PCDH9: variants seen among roughly 807,000 people sequenced by gnomAD.
The protein encoded by PCDH9 is protocadherin-9.
A neutral mutation model predicts 70.6 loss-of-function variants in PCDH9; 24 were observed. The observed-to-expected ratio is 0.34, with a 90% CI of 0.25 to 0.48. The LOEUF (loss-of-function observed/expected upper bound fraction) is 0.48. PCDH9 is among the 20% of genes least tolerant of loss of function. The pLI is 0.99. For missense variants in PCDH9, 1,281 were observed against 1,503.6 expected (o/e 0.85, Z 2.45); for synonymous variants, 562 against 558.5 (o/e 1.01, Z -0.09).
At chr13:66,306,572 A>T (rs1480160285) in intron 4 of PCDH9, among the ~76,000 whole-genome samples, 1 of 151,396 alleles carries the variant, frequency 6.6e-6, no homozygotes, top group South Asian at 2.1e-4. Flanking sequence ...CAGATACTAG[A>T]TGTGAAAAAA....
At chr13:66,779,873 A>ATGTGTGTGTGTGTG (rs35090227) in intron 3 of PCDH9, among the ~76,000 whole-genome samples, 19 of 115,844 alleles carry the variant, frequency 1.6e-4, no homozygotes, top group Middle Eastern at 4.6e-3. Flanking sequence ...ATATACATAT[A>ATGTGTGTGTGTGTG]TGTGTGTGTG....
At chr13:66,852,781 A>G (rs182850321) in intron 3 of PCDH9, among the ~76,000 whole-genome samples, 1 of 150,202 alleles carries the variant, frequency 6.7e-6, no homozygotes, top group Admixed American at 6.6e-5. Context: ...TAGACGGTGT[A>G]CCATGTAATC....
At chr13:66,806,882 G>A (rs974128504) in intron 3 of PCDH9, among the ~76,000 whole-genome samples, 2 of 152,064 alleles carry the variant, frequency 1.3e-5, no homozygotes, top group South Asian at 4.1e-4. Context: ...TTTTCAAACG[G>A]AAAACAGGGC....
chr13:66,457,848 G>A (rs960191744), intron 4 of PCDH9, among the ~76,000 whole-genome samples: 1 of 151,684 alleles, frequency 6.6e-6, no homozygotes, highest in Non-Finnish European at 1.5e-5. Flanking sequence ...GATTTTTTTG[G>A]GGGGGATAGG....
In PCDH9 at chr13:67,227,936, G is replaced by A; in HGVS notation, c.505C>T (p.Pro169Ser). The change falls in exon 2 of 5, where the codon CCT becomes TCT. Residue 169 changes from proline (P) to serine (S), a missense_variant. Physicochemically the swap from Pro to Ser is moderately conservative, Grantham distance 74. Transcript: ENST00000377865. The surrounding 1 kb of genome is among the most constrained non-coding windows in gnomAD (Gnocchi z 4.6). The part of the protein sequence containing the change: ...SRFPIPSATD[P>S]DTGFNGVQHY... ...TGTACACCATTGAAGCCTGTGTCAG[G>A]ATCTGTTGCTGATGGAATTGGAAAG... 6.2e-7 allele frequency: 1 copy of A among 1,614,124 alleles called. No homozygotes were observed. The highest frequency in any genetic ancestry group is 8.5e-7 in the Non-Finnish European group (1 of 1,180,046).
At chr13:67,026,278 T>C (rs983192850) in intron 2 of PCDH9, among the ~76,000 whole-genome samples, 1 of 152,208 alleles carries the variant, frequency 6.6e-6, no homozygotes, top group Non-Finnish European at 1.5e-5. Context: ...TGCATCAATG[T>C]TCATCAAGGA....
At chr13:66,764,655 A>G (rs1403210324) in intron 3 of PCDH9, among the ~76,000 whole-genome samples, 1 of 152,070 alleles carries the variant, frequency 6.6e-6, no homozygotes, top group Non-Finnish European at 1.5e-5. Flanking sequence ...AAGCAGATCT[A>G]TGGAATAGAG....
At chr13:66,738,849 C>A (rs1463774202) in intron 3 of PCDH9, among the ~76,000 whole-genome samples, 7 of 151,112 alleles carry the variant, frequency 4.6e-5, no homozygotes, top group Admixed American at 2.6e-4. Context: ...TGTGAAAAGA[C>A]CAAATCTACG....
intron 4 of PCDH9, among the ~76,000 whole-genome samples, chr13:66,410,917 T>C (rs1957358925): frequency 6.6e-6 from 1 of 152,206 alleles, no homozygotes; most frequent in African/African-American, 2.4e-5. Context: ...GTTTTGAAAT[T>C]GATATTTTCC....
chr13:66,740,329 G>A (rs1231110610), intron 3 of PCDH9, among the ~76,000 whole-genome samples: 12 of 92,528 alleles, frequency 1.3e-4, no homozygotes, highest in Admixed American at 6.3e-4. Context: ...TCTCTGGGAC[G>A]CATTCAAAGC....
At chr13:66,996,176 A>G (rs899750814) in intron 2 of PCDH9, 4 of 152,204 alleles carry the variant, frequency 2.6e-5, no homozygotes, top group African/African-American at 7.2e-5. Context: ...CATTAAGAGA[A>G]TATCTTACCA....
chr13:66,729,747 CT>C (rs1014337967), intron 3 of PCDH9, among the ~76,000 whole-genome samples: 9 of 152,102 alleles, frequency 5.9e-5, no homozygotes, highest in African/African-American at 2.2e-4. Context: ...ATTCCTACTG[CT>C]TTTTCAAGGT....
intron 4 of PCDH9, among the ~76,000 whole-genome samples, chr13:66,426,819 T>TATAGA (rs1957678963): frequency 2.6e-5 from 4 of 151,536 alleles, no homozygotes; most frequent in Non-Finnish European, 3.0e-5. Flanking sequence ...TATTTTTTCT[T>TATAGA]TTGTGTAAAA....
In PCDH9 at chr13:67,225,993, C is replaced by T. The variant is rs2089857267; in HGVS notation, c.2448G>A (p.Met816Ile). The T allele has an allele frequency of 6.2e-7, 1 of 1,614,094 alleles. No individual in the cohort carries two copies. Among genetic ancestry groups the T allele is most frequent in the Non-Finnish European group, 8.5e-7 (1 of 1,180,000 alleles). The change falls in exon 2 of 5, where the codon ATG becomes ATA. Residue 816 changes from methionine to isoleucine, a missense_variant. Coordinates refer to ENST00000377865, the MANE Select transcript of PCDH9 (RefSeq NM_203487.3). ...PYQNEDYLTI[M>I]IAIIAGAMVV... ...CCATGGCACCGGCGATGATGGCAAT[C>T]ATGATGGTTAGATAGTCCTCATTTT...
chr13:66,477,544 T>C lies in PCDH9; in HGVS notation c.3340+153666A>G, dbSNP rs562993730. ...TTTGAATTATTTCAGACTTACTGGC[T>C]GTATGGTATTAGGCAAATTGCTTTG... On this transcript the variant is annotated intron_variant, in intron 4 of 4. Coordinates refer to ENST00000377865, the MANE Select transcript of PCDH9 (RefSeq NM_203487.3). Among the ~76,000 whole-genome samples the C allele has an allele frequency of 1.2e-3, 189 of 152,308 alleles. 1 individual carries two copies. Among genetic ancestry groups the C allele is most frequent in the Non-Finnish European group, 2.1e-3 (143 of 68,018 alleles).
chr13:66,607,500 T>C (rs1421728297), intron 4 of PCDH9, among the ~76,000 whole-genome samples: 1 of 152,038 alleles, frequency 6.6e-6, no homozygotes, highest in Non-Finnish European at 1.5e-5. Context: ...CTACTCATAG[T>C]AAAGGCAAAA....
At chr13:67,065,609 A>AT (rs2085632023) in intron 2 of PCDH9, among the ~76,000 whole-genome samples, 2 of 152,156 alleles carry the variant, frequency 1.3e-5, no homozygotes, top group Non-Finnish European at 2.9e-5. Context: ...GTTAATTTTA[A>AT]TTTTGAGCTT....
chr13:66,795,036 G>A (rs1035799028), intron 3 of PCDH9, among the ~76,000 whole-genome samples: 4 of 151,280 alleles, frequency 2.6e-5, no homozygotes, highest in African/African-American at 7.3e-5. Context: ...AGGAGATTGT[G>A]TTAAATGCCA....
At chr13:67,091,639 T>A (rs1414063912) in intron 2 of PCDH9, among the ~76,000 whole-genome samples, 9 of 152,284 alleles carry the variant, frequency 5.9e-5, no homozygotes, top group African/African-American at 1.9e-4. Context: ...CTGATCCTGC[T>A]TTACCCCTTA....
Sources: allele counts gnomAD v4.1 joint callset (sites outside exome capture counted in the v4.1 genomes callset), GRCh38; gene constraint gnomAD v4.1.1; non-coding constraint Gnocchi (gnomAD v3.1); transcripts MANE v1.5; gene names NCBI Gene and HGNC (gene_info 2026-07-23, HGNC 2026-07-21).